The following INCENP variants were observed in gnomAD, a reference collection of about 807,000 sequenced individuals.
The protein encoded by INCENP is binds and activates aurora-B and -C in vivo and in vitro.
In INCENP, 43 loss-of-function variants were observed where a neutral mutation model predicts 107.3. The observed-to-expected ratio is 0.40, with a 90% confidence interval of 0.31 to 0.52. The LOEUF is 0.52. INCENP is among the 20% of genes least tolerant of loss of function. The pLI is 0.53. For missense variants in INCENP, 1,089 were observed against 1,250.9 expected, an observed-to-expected ratio of 0.87 and a Z score of 1.95; for synonymous variants, 488 against 494.4, an observed-to-expected ratio of 0.99 and a Z score of 0.17.
intron 4 of INCENP, among the ~76,000 whole-genome samples, chr11:62,132,754 G>A (rs1421945354): frequency 6.6e-6 from 1 of 152,106 alleles, no homozygotes; most frequent in Non-Finnish European, 1.5e-5. Context: ...TTTGACTGGT[G>A]CATGTTACCT....
At chr11:62,137,986 A>C (rs759154345) in intron 5 of INCENP, 103 bp downstream of exon 5, 1 of 1,100,220 alleles carries the variant, frequency 9.1e-7, no homozygotes, top group African/African-American at 1.5e-5. Flanking sequence ...AGTCTTCCCC[A>C]CTGAGCCTTG....
At chr11:62,126,448 G>A (rs1168137351) in intron 1 of INCENP, among the ~76,000 whole-genome samples, 1 of 152,080 alleles carries the variant, frequency 6.6e-6, no homozygotes, top group African/African-American at 2.4e-5. Flanking sequence ...TGCCCACTTC[G>A]GCCTTCTAAA....
At position 62,145,251 on chromosome 11, in the gene INCENP, G is replaced by T; in HGVS notation, c.1798G>T (p.Glu600Ter). 6.2e-7 allele frequency: 1 copy of T among 1,614,034 alleles called. No individual in the cohort carries two copies. Among genetic ancestry groups the T allele is most frequent in the South Asian group, 1.1e-5 (1 of 91,030 alleles). ...GAAGGAGGAGAAGAAGAAGCAGATTGAGCAGAAGTTTGCTCAGATCGACGA... is the reference window on the plus strand; with the variant it reads ...GAAGGAGGAGAAGAAGAAGCAGATTTAGCAGAAGTTTGCTCAGATCGACGA... ...QMKEEKKKQI[E>*]QKFAQIDEKT... Residue 600 changes from glutamate (E) to a stop codon, truncating the protein, a stop_gained, in exon 13 of 19, where the codon GAG (glutamate) becomes TAG (stop). Coordinates refer to ENST00000394818, the MANE Select transcript of INCENP (RefSeq NM_001040694.2). LOFTEE classifies it high-confidence loss of function.
chr11:62,148,616 C>T, intron 16 of INCENP, 62 bp downstream of exon 16: 2 of 1,536,986 alleles, frequency 1.3e-6, no homozygotes, highest in Non-Finnish European at 1.8e-6. Flanking sequence ...CGGGTCTGGA[C>T]TCCTGCAGCA....
chr11:62,140,636 G>A (rs1944094814), intron 8 of INCENP, 68 bp from the exon 9 acceptor site: 2 of 1,345,518 alleles, frequency 1.5e-6, no homozygotes, highest in Admixed American at 4.0e-5. Context: ...TCACCGGGGT[G>A]ACTTTTGATG....
intron 11 of INCENP, among the ~76,000 whole-genome samples, chr11:62,144,335 CAAA>C (rs3972386): frequency 6.7e-5 from 9 of 133,844 alleles, no homozygotes; most frequent in Admixed American, 7.4e-5. Context: ...TGTCTCCACA[CAAA>C]AAAAAAAAAA....
Position 62,140,914 on chromosome 11 carries a change from T to C in INCENP, c.1463T>C (p.Val488Ala). The change falls in exon 10 of 19, where the codon GTG becomes GCG. Residue 488 changes from valine (V) to alanine (A), a missense_variant and splice_region_variant. Coordinates refer to ENST00000394818, the MANE Select transcript of INCENP (RefSeq NM_001040694.2). ...TPSSPCPASK[V>A]VRPLRTFLHT... ...TCTGACCCTGGTCCTCGTCTGCAGGTGGTACGGCCCCTCCGGACCTTTCTG... is the reference window on the plus strand; with the variant it reads ...TCTGACCCTGGTCCTCGTCTGCAGGCGGTACGGCCCCTCCGGACCTTTCTG... 6.2e-7 allele frequency: 1 copy of C among 1,614,142 alleles called. No individual in the cohort carries two copies. The highest frequency in any genetic ancestry group is 8.5e-7 in the Non-Finnish European group (1 of 1,180,020).
intron 15 of INCENP, among the ~76,000 whole-genome samples, chr11:62,147,184 G>A (rs923756143): frequency 5.3e-5 from 8 of 152,162 alleles, no homozygotes; most frequent in Admixed American, 5.2e-4. Context: ...CTCAGAGGAT[G>A]AGCTGATATT....
chr11:62,142,130 C>A (rs1454166167), intron 11 of INCENP, among the ~76,000 whole-genome samples: 1 of 152,220 alleles, frequency 6.6e-6, no homozygotes, highest in Non-Finnish European at 1.5e-5. Flanking sequence ...ACATGCTTAG[C>A]CTGCAGCCCC....
chr11:62,148,760 G>A lies in INCENP; in HGVS notation c.2305G>A (p.Glu769Lys), dbSNP rs778517695. The change falls in exon 17 of 19, where the codon GAG (glutamate) becomes AAG (lysine). Residue 769 changes from glutamate to lysine, a missense_variant. By Grantham distance (56) the Glu-to-Lys change is moderately conservative (BLOSUM62 1). Transcript: ENST00000394818. Reference sequence around the variant, plus strand: ...CCAGGAAGAGCAGCAGCGTCTGGCTGAGCGGCAGCTGCAGGAGGAGCAAGA... The same window carrying A: ...CCAGGAAGAGCAGCAGCGTCTGGCTAAGCGGCAGCTGCAGGAGGAGCAAGA... ...KKKEEQQRLA[E>K]RQLQEEQEKK... 5 of 1,600,214 alleles carry A rather than the reference G, an allele frequency of 3.1e-6. No individual in the cohort carries two copies. Among genetic ancestry groups the A allele is most frequent in the Non-Finnish European group, 4.3e-6 (5 of 1,174,012 alleles).
chr11:62,137,544 C>T (rs1486801760), intron 4 of INCENP, among the ~76,000 whole-genome samples: 1 of 152,178 alleles, frequency 6.6e-6, no homozygotes, highest in Non-Finnish European at 1.5e-5. Context: ...CTGCAGCAAA[C>T]ATTGTCCCTC....
In INCENP at chr11:62,140,382, C is replaced by T. The variant is rs2134651604; in HGVS notation, c.1343+97C>T. 2.8e-6 allele frequency: 3 copies of T among 1,076,408 alleles called. No individual in the cohort carries two copies. In the East Asian group the frequency reaches 7.1e-5, roughly 25 times the overall value. The allele number at this position is 1,076,408 out of a possible 1,614,324, so 66.7% of individuals were successfully genotyped here. On this transcript the variant is annotated intron_variant, in intron 8 of 18. Transcript: ENST00000394818. ...GGGAAGGTGGATGTGTGCTCAGGGGCTTCAGAGCCTCTCTGCTGGGGTGTG... is the reference window on the plus strand; with the variant it reads ...GGGAAGGTGGATGTGTGCTCAGGGGTTTCAGAGCCTCTCTGCTGGGGTGTG...
chr11:62,135,812 T>C (rs1943980926), intron 4 of INCENP, among the ~76,000 whole-genome samples: 1 of 150,250 alleles, frequency 6.7e-6, no homozygotes, highest in African/African-American at 2.5e-5. Flanking sequence ...TTTGGCTCAA[T>C]TTTTTTTTTC....
chr11:62,125,891 C>T (rs1051771029), intron 1 of INCENP, among the ~76,000 whole-genome samples: 7 of 152,232 alleles, frequency 4.6e-5, no homozygotes, highest in African/African-American at 1.7e-4. Context: ...CACGCAAGTG[C>T]TCTGCAGAGA....
chr11:62,148,781 C>G lies in INCENP; in HGVS notation c.2326C>G (p.Gln776Glu). Residue 776 changes from glutamine (Q) to glutamate (E), a missense_variant, in exon 17 of 19, where the codon CAA becomes GAA. Transcript: ENST00000394818. Reference protein sequence around the residue: ...RLAERQLQEEQEKKAKEAAGA... With the variant: ...RLAERQLQEEEEKKAKEAAGA... ...GGCTGAGCGGCAGCTGCAGGAGGAG[C>G]AAGAGAAGAAAGCCAAGGAGGCAGC... 6.2e-7 allele frequency: 1 copy of G among 1,604,840 alleles called. No individual in the cohort carries two copies. Among genetic ancestry groups the G allele is most frequent in the South Asian group, 1.1e-5 (1 of 89,616 alleles).
At chr11:62,134,451 G>A (rs375999514) in intron 4 of INCENP, among the ~76,000 whole-genome samples, 11 of 149,534 alleles carry the variant, frequency 7.4e-5, no homozygotes, top group Non-Finnish European at 1.3e-4. Flanking sequence ...TCTATTGATC[G>A]TTACTGTATT....
intron 11 of INCENP, chr11:62,144,773 T>C (rs568351856): frequency 2.6e-6 from 2 of 761,044 alleles, no homozygotes; most frequent in Admixed American, 1.7e-5. Flanking sequence ...CCTTGCGAGG[T>C]AGCTGAGTGC....
intron 1 of INCENP, among the ~76,000 whole-genome samples, chr11:62,127,606 G>A (rs1349432160): frequency 1.3e-5 from 2 of 152,128 alleles, no homozygotes; most frequent in African/African-American, 4.8e-5. Flanking sequence ...CTGCTCACTG[G>A]CCTCTTAAAG....
chr11:62,149,775 G>A (rs1792892), intron 17 of INCENP, among the ~76,000 whole-genome samples: 3,302 of 152,092 alleles, frequency 0.022, 126 homozygotes, highest in African/African-American at 0.075. Context: ...ACAAAAAATT[G>A]GCCGGGTGTG....
Sources: allele counts gnomAD v4.1 joint callset (sites outside exome capture counted in the v4.1 genomes callset), GRCh38; gene constraint gnomAD v4.1.1; transcripts MANE v1.5; gene names NCBI Gene and HGNC (gene_info 2026-07-23, HGNC 2026-07-21).